Variants in C1orf185 observed in about 807,000 individuals in gnomAD.
The protein encoded by C1orf185 is uncharacterized protein C1orf185.
A neutral mutation model predicts 16.1 loss-of-function variants in C1orf185; 13 were observed. The observed-to-expected ratio is 0.81, with a 90% CI of 0.53 to 1.28. C1orf185 has a LOEUF of 1.28. C1orf185 is among the 50% of genes most tolerant of loss of function. The pLI, the probability that C1orf185 is intolerant of heterozygous loss-of-function variation, is 0.00. For synonymous variants in C1orf185, 80 were observed against 76.9 expected, an observed-to-expected ratio of 1.04 and a Z score of -0.21; for missense variants, 220 against 225.2, an observed-to-expected ratio of 0.98 and a Z score of 0.15.
chr1:51,114,708 C>T (rs1437245939), intron 2 of C1orf185, among the ~76,000 whole-genome samples: 2 of 152,030 alleles, frequency 1.3e-5, no homozygotes, highest in African/African-American at 2.4e-5. Flanking sequence ...GGGTGACAAG[C>T]GAGACTCTGT....
intron 2 of C1orf185, among the ~76,000 whole-genome samples, chr1:51,116,519 G>T (rs1358197334): frequency 6.6e-6 from 1 of 151,962 alleles, no homozygotes; most frequent in Non-Finnish European, 1.5e-5. Flanking sequence ...TTGCTATGTT[G>T]TCCAGGTTGA....
At chr1:51,102,710 T>A (rs977749427) in intron 1 of C1orf185, among the ~76,000 whole-genome samples, 1 of 152,118 alleles carries the variant, frequency 6.6e-6, no homozygotes, top group Non-Finnish European at 1.5e-5. Flanking sequence ...TTACCAAGAA[T>A]CATAAATTTT....
chr1:51,102,387 A>G, intron 1 of C1orf185, 138 bp downstream of exon 1: 1 of 498,168 alleles, frequency 2.0e-6, no homozygotes. Flanking sequence ...TCATGGGTAT[A>G]CAGTAGAAAT....
intron 2 of C1orf185, among the ~76,000 whole-genome samples, chr1:51,114,295 A>G (rs1646142735): frequency 6.6e-6 from 1 of 152,268 alleles, no homozygotes; most frequent in Non-Finnish European, 1.5e-5. Flanking sequence ...GCAGTTTCTA[A>G]ACAAGGGGAA....
chr1:51,127,924 G>A (rs868435108), intron 3 of C1orf185, among the ~76,000 whole-genome samples: 46 of 124,758 alleles, frequency 3.7e-4, no homozygotes, highest in African/African-American at 1.2e-3. Flanking sequence ...GTCTCGCTCT[G>A]TCACCCAGGC....
At chr1:51,137,437 G>T (rs996583786) in intron 3 of C1orf185, among the ~76,000 whole-genome samples, 1 of 152,154 alleles carries the variant, frequency 6.6e-6, no homozygotes, top group African/African-American at 2.4e-5. Flanking sequence ...GGGAGGCTGA[G>T]GCAGGACAAT....
At chr1:51,123,944 T>TAC (rs542965169) in intron 3 of C1orf185, among the ~76,000 whole-genome samples, 428 of 151,552 alleles carry the variant, frequency 2.8e-3, no homozygotes, top group Non-Finnish European at 4.4e-3. Context: ...CATGTATATA[T>TAC]ATACACACAC....
intron 3 of C1orf185, among the ~76,000 whole-genome samples, chr1:51,141,216 A>G (rs1646362056): frequency 6.6e-6 from 1 of 152,224 alleles, no homozygotes; most frequent in African/African-American, 2.4e-5. Flanking sequence ...AAGGCCAGGG[A>G]TGGTGGCTTA....
At chr1:51,114,234 C>T (rs1351934748) in intron 2 of C1orf185, among the ~76,000 whole-genome samples, 1 of 152,210 alleles carries the variant, frequency 6.6e-6, no homozygotes, top group African/African-American at 2.4e-5. Flanking sequence ...AGCCAGATCA[C>T]TTAAGAATTT....
intron 3 of C1orf185, among the ~76,000 whole-genome samples, chr1:51,139,583 C>T (rs1570319320): frequency 1.3e-5 from 2 of 152,206 alleles, no homozygotes; most frequent in Admixed American, 6.5e-5. Flanking sequence ...TTTAAACTGC[C>T]TTTGTAGGAA....
chr1:51,129,992 C>T (rs1167378155), intron 3 of C1orf185, among the ~76,000 whole-genome samples: 1 of 152,136 alleles, frequency 6.6e-6, no homozygotes, highest in Non-Finnish European at 1.5e-5. Flanking sequence ...CAAGTTGCTG[C>T]ATCAATAGTT....
intron 1 of C1orf185, among the ~76,000 whole-genome samples, chr1:51,110,917 C>T (rs780661273): frequency 6.6e-6 from 1 of 151,004 alleles, no homozygotes; most frequent in Non-Finnish European, 1.5e-5. Context: ...TGCAGTGAGC[C>T]GAGATCTCAC....
At chr1:51,111,370 C>CTTTTTT (rs35232347) in intron 1 of C1orf185, among the ~76,000 whole-genome samples, 16 of 114,418 alleles carry the variant, frequency 1.4e-4, no homozygotes, top group South Asian at 2.6e-4. Context: ...AGCTTTCTTT[C>CTTTTTT]TTTCTTTTTT....
chr1:51,124,573 A>G (rs995923568), intron 3 of C1orf185, among the ~76,000 whole-genome samples: 1 of 152,204 alleles, frequency 6.6e-6, no homozygotes, highest in African/African-American at 2.4e-5. Context: ...ACAGCAACCT[A>G]TGGGCTCTTA....
intron 3 of C1orf185, among the ~76,000 whole-genome samples, chr1:51,132,772 G>C (rs1348009997): frequency 6.6e-6 from 1 of 151,822 alleles, no homozygotes. Context: ...GATTCTCCAA[G>C]GTCAAAATGA....
intron 3 of C1orf185, among the ~76,000 whole-genome samples, chr1:51,141,929 C>T (rs1156271507): frequency 6.6e-6 from 1 of 151,940 alleles, no homozygotes; most frequent in African/African-American, 2.4e-5. Flanking sequence ...CAACCATGCC[C>T]AGCTAATTTT....
chr1:51,114,215 A>C (rs1040336013), intron 2 of C1orf185, among the ~76,000 whole-genome samples: 1 of 152,238 alleles, frequency 6.6e-6, no homozygotes, highest in African/African-American at 2.4e-5. Context: ...AATTGAAGAG[A>C]CATGTAAGAG....
chr1:51,119,145 C>A (rs1570299069), intron 3 of C1orf185, among the ~76,000 whole-genome samples: 1 of 152,158 alleles, frequency 6.6e-6, no homozygotes, highest in East Asian at 1.9e-4. Flanking sequence ...ATAGCCTAAC[C>A]ATAGCAATTG....
chr1:51,138,044 C>A (rs1248955533), intron 3 of C1orf185, among the ~76,000 whole-genome samples: 1 of 151,958 alleles, frequency 6.6e-6, no homozygotes, highest in Non-Finnish European at 1.5e-5. Context: ...CACACTGGGG[C>A]CTATAAGAAG....
Sources: allele counts gnomAD v4.1 joint callset (sites outside exome capture counted in the v4.1 genomes callset), GRCh38; gene constraint gnomAD v4.1.1; transcripts MANE v1.5; gene names NCBI Gene and HGNC (gene_info 2026-07-23, HGNC 2026-07-21).